Variants in ADGRF4 observed in about 807,000 individuals in gnomAD.
ADGRF4 encodes adhesion G protein-coupled receptor F4, also known as G-protein coupled receptor PGR18.
In ADGRF4, 63 loss-of-function variants were observed where a neutral mutation model predicts 58.5. The ratio of observed to expected loss-of-function variants is 1.08; its 90% confidence interval spans 0.88 to 1.33. The LOEUF (loss-of-function observed/expected upper bound fraction) is 1.33, where lower values mean the gene tolerates loss of function less well. Among genes scored for constraint, ADGRF4 ranks in the 40% most tolerant of loss-of-function variants. The pLI is 0.00. For synonymous variants in ADGRF4, 313 were observed against 295.4 expected (o/e 1.06, Z -0.61); for missense variants, 931 against 843.9 (o/e 1.10, Z -1.28).
chr6:47,702,895 C>T (rs1771620868), intron 1 of ADGRF4, among the ~76,000 whole-genome samples: 1 of 152,202 alleles, frequency 6.6e-6, no homozygotes, highest in Non-Finnish European at 1.5e-5. Context: ...CACTCTTTAC[C>T]AGAAACTGGT....
rs9395313 is a variant in ADGRF4 at position 47,704,638 on chromosome 6, G to T, written c.-16-2592G>T. ...TCTGTATCTGTTTTTCAAACTGCAG[G>T]TTACAATCCATTAGAGTCTTGTGAA... On this transcript the variant is annotated intron_variant, in intron 1 of 9. Coordinates refer to ENST00000283303, the MANE Select transcript of ADGRF4 (RefSeq NM_153838.5). Among the ~76,000 whole-genome samples, 3 of 152,108 alleles carry T rather than the reference G, an allele frequency of 2.0e-5. No homozygotes were observed. In the East Asian group the frequency reaches 5.8e-4, roughly 30 times the overall value.
chr6:47,712,738 G>A (rs187876967), intron 5 of ADGRF4, 130 bp downstream of exon 5: 15 of 667,242 alleles, frequency 2.2e-5, no homozygotes, highest in African/African-American at 1.1e-4. Context: ...ATTTCACTTC[G>A]GTTTGGGATA....
Position 47,714,755 on chromosome 6 carries a change from G to A in ADGRF4, c.1510G>A (p.Val504Ile). The A allele has an allele frequency of 1.2e-6, 2 of 1,613,826 alleles. No homozygotes were observed. The highest frequency in any genetic ancestry group is 1.3e-5 in the African/African-American group (1 of 75,002). Residue 504 changes from valine (V) to isoleucine (I), a missense_variant, in exon 6 of 10, where the codon GTC becomes ATC. Coordinates refer to ENST00000283303, the MANE Select transcript of ADGRF4 (RefSeq NM_153838.5). ...KALLIIYGIL[V>I]IFRRMMKSRM... ...ATTGCTCATCATTTATGGAATATTGGTCATTTTCCGTAGGATGATGAAGTC... is the reference window on the plus strand; with the variant it reads ...ATTGCTCATCATTTATGGAATATTGATCATTTTCCGTAGGATGATGAAGTC...
chr6:47,719,017 C>G (rs994999423), intron 9 of ADGRF4, among the ~76,000 whole-genome samples: 6 of 152,206 alleles, frequency 3.9e-5, no homozygotes, highest in African/African-American at 1.4e-4. Flanking sequence ...CAGGGATGAT[C>G]AACCTTGGGA....
At chr6:47,703,616 C>CTATA (rs1771639380) in intron 1 of ADGRF4, among the ~76,000 whole-genome samples, 1 of 152,082 alleles carries the variant, frequency 6.6e-6, no homozygotes, top group African/African-American at 2.4e-5. Flanking sequence ...GTTACATATG[C>CTATA]CAGACTATAG....
chr6:47,710,818 T>G lies in ADGRF4; in HGVS notation c.232T>G (p.Cys78Gly), dbSNP rs1222911853. Residue 78 changes from cysteine (C) to glycine (G), a missense_variant, in exon 4 of 10, where the codon TGT (cysteine) becomes GGT (glycine). By Grantham distance (159) the Cys-to-Gly change is radical (BLOSUM62 -3). Coordinates refer to ENST00000283303, the MANE Select transcript of ADGRF4 (RefSeq NM_153838.5). ...CTTTCATGGAGAAATAGGATTTACA[T>G]GTAATCAAAAAAAGTGGCAAAAATC... ...KDFHGEIGFTCNQKKWQKSAE... is the reference protein window; with the variant it reads ...KDFHGEIGFTGNQKKWQKSAE... The G allele has an allele frequency of 1.2e-6, 2 of 1,613,958 alleles. No individual in the cohort carries two copies. Among genetic ancestry groups the G allele is most frequent in the East Asian group, 2.2e-5 (1 of 44,874 alleles).
At chr6:47,713,573 A>G (rs1449140245) in intron 5 of ADGRF4, among the ~76,000 whole-genome samples, 1 of 152,186 alleles carries the variant, frequency 6.6e-6, no homozygotes, top group African/African-American at 2.4e-5. Context: ...CCTGCGTGCA[A>G]TAATAAAGCA....
In ADGRF4 at chr6:47,707,332, C is replaced by T; in HGVS notation, c.87C>T (p.His29=). The change falls in exon 2 of 10, where the codon CAC becomes CAT. Residue 29 remains histidine (H), a synonymous_variant. Transcript: ENST00000283303. ...TECSHYRSKI[H]LKAGDKLQSP... ...GTTCCCACTATAGATCCAAGATTCA[C>T]CTAAAAGTAAGTTTGATCTATTCCT... is the stretch of plus-strand genomic sequence containing the variant. 4 of 1,598,926 alleles carry T rather than the reference C, an allele frequency of 2.5e-6. No homozygotes were observed. Among genetic ancestry groups the T allele is most frequent in the Non-Finnish European group, 3.4e-6 (4 of 1,166,118 alleles).
chr6:47,710,405 C>A (rs1771832235), intron 3 of ADGRF4, among the ~76,000 whole-genome samples: 1 of 152,204 alleles, frequency 6.6e-6, no homozygotes, highest in South Asian at 2.1e-4. Flanking sequence ...TCTGGTAACT[C>A]CCACATTAGC....
Position 47,713,925 on chromosome 6 carries a change from TC to T in ADGRF4, c.682del (p.His228ThrfsTer8). Reference sequence around the variant, plus strand: ...AATTTGTTTGCCAGACAACTCCACATCCACAATAATTCTGAGAACATTGTGA... The same window carrying T: ...AATTTGTTTGCCAGACAACTCCACATCACAATAATTCTGAGAACATTGTGA... ...SVNLFARQLH[I>X]HNNSENIVNE... On this transcript the variant is annotated frameshift_variant, in exon 6 of 10. Coordinates refer to ENST00000283303, the MANE Select transcript of ADGRF4 (RefSeq NM_153838.5). LOFTEE classifies it high-confidence loss of function. 6.2e-7 allele frequency: 1 copy of T among 1,610,626 alleles called. No individual in the cohort carries two copies. The highest frequency in any genetic ancestry group is 8.5e-7 in the Non-Finnish European group (1 of 1,178,414).
chr6:47,712,341 C>T lies in ADGRF4; in HGVS notation c.301-16C>T, dbSNP rs766030769. ...ACTTAATCATTTTTGAATGAAACTA[C>T]ATTTGTTTTAAACAGGACTCAACTG... On this transcript the variant is annotated splice_polypyrimidine_tract_variant and intron_variant, in intron 4 of 9. Transcript: ENST00000283303. The T allele has an allele frequency of 3.7e-6, 6 of 1,611,682 alleles. No homozygotes were observed. The Admixed American group carries it at 8.4e-5, about 22-fold the overall frequency.
Position 47,717,408 on chromosome 6 carries a change from C to G in ADGRF4, c.2034+57C>G, listed in dbSNP as rs749987651. On this transcript the variant is annotated intron_variant, in intron 8 of 9. Coordinates refer to ENST00000283303, the MANE Select transcript of ADGRF4 (RefSeq NM_153838.5). The stretch of plus-strand genomic sequence containing the variant: ...AGAGTCCGTGTCCTTGCCGGTTATG[C>G]AGAGACAAATACCATAGCTCAGTAC... The G allele has an allele frequency of 1.4e-4, 153 of 1,115,870 alleles. 1 individual carries two copies. The highest frequency in any genetic ancestry group is 3.8e-4 in the East Asian group (16 of 42,648). The allele number at this position is 1,115,870 out of a possible 1,614,324, so 69.1% of individuals were successfully genotyped here. A position where few individuals can be genotyped will look rare whatever the true frequency, so the allele number is the denominator to read the frequency against.
At chr6:47,709,865 T>C (rs1490125798) in intron 3 of ADGRF4, among the ~76,000 whole-genome samples, 3 of 144,414 alleles carry the variant, frequency 2.1e-5, no homozygotes, top group Non-Finnish European at 4.7e-5. Context: ...TTTTTGTATT[T>C]TTGTGCTTTT....
intron 1 of ADGRF4, among the ~76,000 whole-genome samples, chr6:47,704,938 TG>T (rs1413703717): frequency 1.3e-5 from 2 of 152,170 alleles, no homozygotes; most frequent in Admixed American, 1.3e-4. Flanking sequence ...GTTTTGTTTT[TG>T]TTTTTTTGTG....
intron 1 of ADGRF4, among the ~76,000 whole-genome samples, chr6:47,700,528 T>C (rs991759026): frequency 6.6e-6 from 1 of 152,208 alleles, no homozygotes; most frequent in Non-Finnish European, 1.5e-5. Context: ...AGAAATAGGG[T>C]TTTATTAGTT....
At chr6:47,703,503 A>G (rs772777739) in intron 1 of ADGRF4, among the ~76,000 whole-genome samples, 5 of 152,188 alleles carry the variant, frequency 3.3e-5, no homozygotes, top group Admixed American at 6.5e-5. Flanking sequence ...TAAAATAAAA[A>G]TGCTATGATT....
intron 4 of ADGRF4, 51 bp from the exon 5 acceptor site, chr6:47,712,306 C>T: frequency 4.4e-6 from 7 of 1,578,244 alleles, no homozygotes; most frequent in Non-Finnish European, 6.1e-6. Context: ...TAGTCTGATA[C>T]ATGGTAGGTA....
chr6:47,698,981 T>C (rs113615728), intron 1 of ADGRF4, among the ~76,000 whole-genome samples, 187 bp downstream of exon 1: 46 of 152,352 alleles, frequency 3.0e-4, no homozygotes, highest in African/African-American at 1.1e-3. Flanking sequence ...TAAGCCTCTT[T>C]TACGTTTGTT....
At chr6:47,699,031 C>T (rs1771525765) in intron 1 of ADGRF4, among the ~76,000 whole-genome samples, 1 of 152,108 alleles carries the variant, frequency 6.6e-6, no homozygotes, top group African/African-American at 2.4e-5. Flanking sequence ...ATGGCTCACT[C>T]CTAGGAGTGA....
Sources: gnomAD v4.1 joint callset for allele counts (sites outside exome capture counted in the v4.1 genomes callset) on GRCh38, gnomAD v4.1.1 for gene constraint, MANE v1.5 for transcripts, NCBI Gene and HGNC (gene_info 2026-07-23, HGNC 2026-07-21) for gene names.